The following PLPPR3 variants were observed in gnomAD, a reference collection of about 807,000 sequenced individuals.
PLPPR3 encodes phospholipid phosphatase-related protein type 3.
Under a neutral mutation model 27.3 loss-of-function variants are expected in PLPPR3, and 14 were observed. The ratio of observed to expected loss-of-function variants is 0.51; its 90% CI spans 0.34 to 0.80. The LOEUF (loss-of-function observed/expected upper bound fraction) is 0.80. PLPPR3 is among the 30% of genes least tolerant of loss of function. The pLI is 0.01. For synonymous variants in PLPPR3, 671 were observed against 508.0 expected (o/e 1.32, Z -4.32); for missense variants, 1,287 against 1,056.9 (o/e 1.22, Z -3.02).
upstream of PLPPR3, among the ~76,000 whole-genome samples, chr19:822,195 C>A (rs1024357572): frequency 1.3e-4 from 19 of 151,582 alleles, no homozygotes; most frequent in Admixed American, 1.2e-3. Context: ...GCTCGGGGGT[C>A]GCGTCCTCCT....
Position 821,480 on chromosome 19 carries a change from C to T in PLPPR3, c.75+5G>A. ...CCCCCGGGCCCCAGCGCGACCCCCA[C>T]CCACCTCCACGAAGTAGAAGCAGGG... On this transcript the variant is annotated splice_donor_5th_base_variant and intron_variant, in intron 2 of 7. Transcript: ENST00000520876. 6.6e-7 allele frequency: 1 copy of T among 1,512,126 alleles called. No homozygotes were observed. Among genetic ancestry groups the T allele is most frequent in the Non-Finnish European group, 8.9e-7 (1 of 1,129,712 alleles). 93.7% of individuals were successfully genotyped at this position (1,512,126 alleles called of 1,614,324 possible).
In PLPPR3 at chr19:814,957, G is replaced by A. The variant is rs752565210; in HGVS notation, c.528C>T (p.Ser176=). ...CKPNYTLLGT[S]CEVNPYITQD... Reference sequence around the variant, plus strand: ...GCGTGATGTAGGGGTTGACCTCGCAGGACGTGCCCAGGAGAGTGTAGTTGG... The same window carrying A: ...GCGTGATGTAGGGGTTGACCTCGCAAGACGTGCCCAGGAGAGTGTAGTTGG... The change falls in exon 5 of 8, where the codon TCC becomes TCT. Residue 176 remains serine (S), a synonymous_variant. Coordinates refer to ENST00000520876, the MANE Select transcript of PLPPR3 (RefSeq NM_001270366.2). The A allele has an allele frequency of 1.9e-6, 3 of 1,612,504 alleles. No homozygotes were observed. Among genetic ancestry groups the A allele is most frequent in the African/African-American group, 1.3e-5 (1 of 74,932 alleles).
Position 814,370 on chromosome 19 carries a change from T to A in PLPPR3, c.831+64A>T, listed in dbSNP as rs552038960. ...CTCCCCACTCAGGCCCTGTGGGCAC[T>A]CATGCCTCCCCCCTCAGATCCCCTG... On this transcript the variant is annotated intron_variant, in intron 7 of 7. Coordinates refer to ENST00000520876, the MANE Select transcript of PLPPR3 (RefSeq NM_001270366.2). 2.6e-3 allele frequency: 3,832 copies of A among 1,457,598 alleles called. 11 individuals carry two copies. The highest frequency in any genetic ancestry group is 3.2e-3 in the Non-Finnish European group (3,483 of 1,093,802). The allele number at this position is 1,457,598 out of a possible 1,614,324, so 90.3% of individuals were successfully genotyped here.
chr19:819,559 G>C (rs919518704), intron 2 of PLPPR3, among the ~76,000 whole-genome samples: 3 of 152,000 alleles, frequency 2.0e-5, no homozygotes, highest in African/African-American at 7.3e-5. Flanking sequence ...CAAAGTGCTG[G>C]GATTATAGGT....
chr19:823,535 G>C (rs1340600706), upstream of PLPPR3, among the ~76,000 whole-genome samples: 1 of 149,070 alleles, frequency 6.7e-6, no homozygotes, highest in Non-Finnish European at 1.5e-5. Context: ...TGCTGCCCCC[G>C]GGAAGAGGGT....
At position 812,642 on chromosome 19, in the gene PLPPR3, C is replaced by T. The variant is rs1460473937; in HGVS notation, c.2085G>A (p.Leu695=). The T allele has an allele frequency of 4.6e-6, 5 of 1,088,220 alleles. No homozygotes were observed. The African/African-American group carries it at 6.9e-5, about 15-fold the overall frequency. 67.4% of individuals were successfully genotyped at this position (1,088,220 alleles called of 1,614,324 possible). A position where few individuals can be genotyped will look rare whatever the true frequency, so the allele number is the denominator to read the frequency against. The change falls in exon 8 of 8, where the codon CTG becomes CTA. Residue 695 remains leucine, a synonymous_variant. Transcript: ENST00000520876. ...CCTCCGCCTCCGCCTCGCGCTCCGCCAGCCCCAGGCCGCCCGCGTGGCGCC... is the reference window on the plus strand; with the variant it reads ...CCTCCGCCTCCGCCTCGCGCTCCGCTAGCCCCAGGCCGCCCGCGTGGCGCC... The part of the protein sequence containing the change: ...TLRRHAGGLG[L]AEREAEAEAE...
At position 813,237 on chromosome 19, in the gene PLPPR3, G is replaced by A. The variant is rs2034972038; in HGVS notation, c.1490C>T (p.Pro497Leu). 6.7e-7 allele frequency: 1 copy of A among 1,492,760 alleles called. No individual in the cohort carries two copies. The highest frequency in any genetic ancestry group is 1.3e-5 in the South Asian group (1 of 79,716). 92.5% of individuals were successfully genotyped at this position (1,492,760 alleles called of 1,614,324 possible). Residue 497 changes from proline to leucine, a missense_variant, in exon 8 of 8, where the codon CCG becomes CTG. By Grantham distance (98) the Pro-to-Leu change is moderately conservative. Coordinates refer to ENST00000520876, the MANE Select transcript of PLPPR3 (RefSeq NM_001270366.2). This position sits in a 1 kb window ranked among gnomAD's most constrained non-coding sequence, Gnocchi z 4.1. The stretch of plus-strand genomic sequence containing the variant: ...GGCCCCCGTCTGCGCGCCCTCCTCC[G>A]GGATGTGCACCAGCGGCGGCGGCCC... ...RAGPPPLVHIPEEGAQTGAGL... is the reference protein window; with the variant it reads ...RAGPPPLVHILEEGAQTGAGL...
chr19:812,645 C>G lies in PLPPR3; in HGVS notation c.2082G>C (p.Gly694=), dbSNP rs1240958533. 9.2e-7 allele frequency: 1 copy of G among 1,085,628 alleles called. No individual in the cohort carries two copies. Among genetic ancestry groups the G allele is most frequent in the Non-Finnish European group, 1.1e-6 (1 of 888,996 alleles). 67.2% of individuals were successfully genotyped at this position (1,085,628 alleles called of 1,614,324 possible). The change falls in exon 8 of 8, where the codon GGG becomes GGC. Residue 694 remains glycine (G), a synonymous_variant. Transcript: ENST00000520876. The stretch of plus-strand genomic sequence containing the variant: ...CCGCCTCCGCCTCGCGCTCCGCCAG[C>G]CCCAGGCCGCCCGCGTGGCGCCGCA... The part of the protein sequence containing the change: ...STLRRHAGGL[G]LAEREAEAEA...
In PLPPR3 at chr19:813,811, G is replaced by A; in HGVS notation, c.916C>T (p.Leu306=). ...ACCGAGTCGTGGCCCCGCTGCGTCA[G>A]GGCCCGCAGCGCGTCCTTGGCGGGG... ...PAPAKDALRA[L]TQRGHDSVYQ... The change falls in exon 8 of 8, where the codon CTG becomes TTG. Residue 306 remains leucine, a synonymous_variant. Transcript: ENST00000520876. The surrounding 1 kb of genome is among the most constrained non-coding windows in gnomAD (Gnocchi z 4.1). The A allele has an allele frequency of 1.3e-6, 2 of 1,512,886 alleles. No homozygotes were observed. Among genetic ancestry groups the A allele is most frequent in the Non-Finnish European group, 1.8e-6 (2 of 1,137,226 alleles). 93.7% of individuals were successfully genotyped at this position (1,512,886 alleles called of 1,614,324 possible). A position where few individuals can be genotyped will look rare whatever the true frequency, so the allele number is the denominator to read the frequency against.
chr19:815,629 C>A (rs765555187), intron 3 of PLPPR3, 37 bp downstream of exon 3: 24 of 1,541,744 alleles, frequency 1.6e-5, no homozygotes. Flanking sequence ...AGCCGTGGTG[C>A]CCACAGGCTG....
Position 815,235 on chromosome 19 carries a change from G to T in PLPPR3, c.354C>A (p.Ala118=). 1 of 1,590,710 alleles carries T rather than the reference G, an allele frequency of 6.3e-7. No homozygotes were observed. Among genetic ancestry groups the T allele is most frequent in the South Asian group, 1.1e-5 (1 of 88,604 alleles). The stretch of plus-strand genomic sequence containing the variant: ...GGAAGGAGTTGAAGTTGCAGCCGCC[G>T]GCGTTGATGCTGCCCTCCGCCCCGG... ...GPAGAEGSIN[A]GGCNFNSFLR... The change falls in exon 4 of 8, where the codon GCC becomes GCA. Residue 118 remains alanine, a synonymous_variant. Transcript: ENST00000520876.
At chr19:820,815 G>A (rs754892295) in intron 2 of PLPPR3, among the ~76,000 whole-genome samples, 6 of 151,590 alleles carry the variant, frequency 4.0e-5, no homozygotes, top group Non-Finnish European at 8.8e-5. Context: ...GAGCCACAGT[G>A]CCCAGCCTAA....
At chr19:822,259 G>A (rs1326708998), upstream of PLPPR3, among the ~76,000 whole-genome samples, 1 of 151,650 alleles carries the variant, frequency 6.6e-6, no homozygotes, top group Non-Finnish European at 1.5e-5. Context: ...GGTGGCTGCG[G>A]TCGGCCCGGG....
chr19:823,441 CAAA>C (rs905654427), upstream of PLPPR3, among the ~76,000 whole-genome samples: 22 of 40,084 alleles, frequency 5.5e-4, no homozygotes, highest in African/African-American at 3.2e-3. Context: ...GACTCTATCT[CAAA>C]AAAAAAAAAA....
chr19:821,693 G>A (rs1271361485), intron 1 of PLPPR3, 108 bp from the exon 2 acceptor site: 1 of 526,378 alleles, frequency 1.9e-6, no homozygotes, highest in African/African-American at 2.0e-5. Flanking sequence ...TGAGGCTGCA[G>A]AGAGCGGCGT....
chr19:819,615 C>A lies in PLPPR3; in HGVS notation c.75+1870G>T, dbSNP rs567419701. Among the ~76,000 whole-genome samples, 3 of 152,086 alleles carry A rather than the reference C, an allele frequency of 2.0e-5. No homozygotes were observed. In the East Asian group the frequency reaches 5.8e-4, roughly 29 times the overall value. On this transcript the variant is annotated intron_variant, in intron 2 of 7. Coordinates refer to ENST00000520876, the MANE Select transcript of PLPPR3 (RefSeq NM_001270366.2). ...TGCAACAGGAATTTAAGTGCAATTT[C>A]GAAAAATAAACAGATTTTCTATGAA... is the stretch of plus-strand genomic sequence containing the variant.
intron 3 of PLPPR3, 48 bp from the exon 4 acceptor site, chr19:815,375 G>A: frequency 6.7e-7 from 1 of 1,494,954 alleles, no homozygotes; most frequent in Non-Finnish European, 8.9e-7. Flanking sequence ...ACAGGGAGGG[G>A]GCGCTCAGGC....
chr19:816,295 A>ATCCATCTATCCACCCACCCAACTG, intron 2 of PLPPR3, among the ~76,000 whole-genome samples: 1 of 146,830 alleles, frequency 6.8e-6, no homozygotes, highest in Non-Finnish European at 1.5e-5. Context: ...CCATGCAGCC[A>ATCCATCTATCCACCCACCCAACTG]TCCATCTATC....
intron 1 of PLPPR3, 149 bp from the exon 2 acceptor site, chr19:821,734 A>C: frequency 2.5e-6 from 1 of 395,162 alleles, no homozygotes; most frequent in Non-Finnish European, 4.4e-6. Context: ...CCGGCCCAGC[A>C]CGCGGCTTCC....
Sources: gnomAD v4.1 joint callset for allele counts (sites outside exome capture counted in the v4.1 genomes callset) on GRCh38, gnomAD v4.1.1 for gene constraint, Gnocchi (gnomAD v3.1) non-coding constraint, MANE v1.5 for transcripts, NCBI Gene and HGNC (gene_info 2026-07-23, HGNC 2026-07-21) for gene names.